The following RAI1 variants were observed in gnomAD, a reference collection of about 807,000 sequenced individuals.
The protein encoded by RAI1 is retinoic acid induced 1.
RAI1 carries 9 observed loss-of-function variants against 123.8 expected under a neutral mutation model. The observed-to-expected ratio is 0.07, with a 90% CI of 0.04 to 0.13. The LOEUF is 0.13. Among genes scored for constraint, RAI1 ranks in the 10% least tolerant of loss-of-function variants. RAI1 has a pLI of 1.00. For missense variants in RAI1, 2,256 were observed against 2,545.8 expected (o/e 0.89, Z 2.45); for synonymous variants, 1,231 against 1,127.3 (o/e 1.09, Z -1.84).
rs371638150 is a variant in RAI1 at position 17,751,955 on chromosome 17, G to GT, written c.-17+27805dup. Among the ~76,000 whole-genome samples the GT allele has an allele frequency of 4.2e-3, 645 of 151,962 alleles. 5 individuals carry two copies. Among genetic ancestry groups the GT allele is most frequent in the African/African-American group, 0.014 (581 of 41,420 alleles). ...TCCCATAGAAGCCACCAAGGGCAGA[G>GT]TTTTTTTTTATTTTTTGTTTTTTTA... is the stretch of plus-strand genomic sequence containing the variant. On this transcript the variant is annotated intron_variant, in intron 2 of 5. Coordinates refer to ENST00000353383, the MANE Select transcript of RAI1 (RefSeq NM_030665.4).
intron 2 of RAI1, among the ~76,000 whole-genome samples, chr17:17,756,359 G>A (rs945944194): frequency 4.6e-5 from 7 of 151,982 alleles, no homozygotes; most frequent in African/African-American, 1.7e-4. Context: ...CACCATGCCT[G>A]GCTAATTTTG....
Position 17,750,220 on chromosome 17 carries a change from A to G in RAI1, c.-17+26061A>G, listed in dbSNP as rs1050465942. Among the ~76,000 whole-genome samples, 5 of 152,240 alleles carry G rather than the reference A, an allele frequency of 3.3e-5. No homozygotes were observed. In the East Asian group the frequency reaches 5.8e-4, roughly 18 times the overall value. On this transcript the variant is annotated intron_variant, in intron 2 of 5. Coordinates refer to ENST00000353383, the MANE Select transcript of RAI1 (RefSeq NM_030665.4). ...CGGAGAACAGGTTTTCGTGACTCCA[A>G]ATCTTCCCATAGGTTGCTGTATTGG...
chr17:17,700,527 T>C (rs1298316847), intron 1 of RAI1, among the ~76,000 whole-genome samples: 1 of 151,886 alleles, frequency 6.6e-6, no homozygotes, highest in Non-Finnish European at 1.5e-5. Context: ...AACGCGCGGG[T>C]TTAATTGCAC....
chr17:17,725,700 C>T (rs1050315764), intron 2 of RAI1, among the ~76,000 whole-genome samples: 2 of 152,112 alleles, frequency 1.3e-5, no homozygotes, highest in Non-Finnish European at 2.9e-5. Flanking sequence ...ATTGGATTCC[C>T]AGGCAAGCAG....
chr17:17,693,436 C>A (rs1490838862), intron 1 of RAI1, among the ~76,000 whole-genome samples: 1 of 152,232 alleles, frequency 6.6e-6, no homozygotes, highest in Admixed American at 6.5e-5. Flanking sequence ...CTCCCCTCCC[C>A]GTGCCCCAGG....
In RAI1 at chr17:17,797,277, G is replaced by A. The variant is rs374588661; in HGVS notation, c.4329G>A (p.Ala1443=). The stretch of plus-strand genomic sequence containing the variant: ...TGCAGCCTGGGGGGACTGCCCTGGC[G>A]CCTAAGAAGAGGAGCCGGAAAGGCC... ...EALQPGGTAL[A]PKKRSRKGRA... is the part of the protein sequence containing the mutation. Residue 1443 remains alanine, a synonymous_variant, in exon 3 of 6, where the codon GCG becomes GCA. Coordinates refer to ENST00000353383, the MANE Select transcript of RAI1 (RefSeq NM_030665.4). The A allele has an allele frequency of 4.2e-5, 67 of 1,612,838 alleles. 1 individual carries two copies. The highest frequency in any genetic ancestry group is 1.7e-4 in the African/African-American group (13 of 74,918).
Position 17,797,701 on chromosome 17 carries a change from C to T in RAI1, c.4753C>T (p.Arg1585Trp), listed in dbSNP as rs750640516. 1.2e-6 allele frequency: 2 copies of T among 1,613,342 alleles called. No individual in the cohort carries two copies. Among genetic ancestry groups the T allele is most frequent in the East Asian group, 2.2e-5 (1 of 44,864 alleles). ...CCTCAAGTACATTTCCTCTTGCAAG[C>T]GGCTGAGGTCAGACAGCCGGACCCC... is the stretch of plus-strand genomic sequence containing the variant. ...IRLKYISSCK[R>W]LRSDSRTPAF... The change falls in exon 3 of 6, where the codon CGG becomes TGG. Residue 1585 changes from arginine to tryptophan, a missense_variant. Physicochemically the swap from Arg to Trp is moderately radical, Grantham distance 101. Around this residue, in one of 7 missense-constraint regions of RAI1, gnomAD observed 410 missense variants for 374.6 expected, o/e 1.09. Coordinates refer to ENST00000353383, the MANE Select transcript of RAI1 (RefSeq NM_030665.4).
At chr17:17,775,697 C>T (rs1249427422) in intron 2 of RAI1, among the ~76,000 whole-genome samples, 1 of 151,846 alleles carries the variant, frequency 6.6e-6, no homozygotes, top group Non-Finnish European at 1.5e-5. Flanking sequence ...TCCTCGCCGT[C>T]TTTGTATTGA....
intron 2 of RAI1, among the ~76,000 whole-genome samples, chr17:17,756,456 C>G (rs916869640): frequency 1.3e-5 from 2 of 152,174 alleles, no homozygotes; most frequent in Admixed American, 6.5e-5. Flanking sequence ...CTCTGCCTCC[C>G]AAAGTGCTGG....
At chr17:17,704,326 A>C (rs1915325007) in intron 1 of RAI1, among the ~76,000 whole-genome samples, 1 of 152,156 alleles carries the variant, frequency 6.6e-6, no homozygotes, top group Non-Finnish European at 1.5e-5. Flanking sequence ...TTCTCAGCAG[A>C]ATCTGGGACT....
In RAI1 at chr17:17,794,109, T is replaced by C. The variant is rs1194692206; in HGVS notation, c.1161T>C (p.Thr387=). 1 of 1,614,062 alleles carries C rather than the reference T, an allele frequency of 6.2e-7. No individual in the cohort carries two copies. Among genetic ancestry groups the C allele is most frequent in the Non-Finnish European group, 8.5e-7 (1 of 1,180,044 alleles). The change falls in exon 3 of 6, where the codon ACT becomes ACC. Residue 387 remains threonine (T), a synonymous_variant. Coordinates refer to ENST00000353383, the MANE Select transcript of RAI1 (RefSeq NM_030665.4). ...LSTGAFPAGI[T]DHSHFMPLLN... ...CCGGGGCCTTCCCCGCAGGGATCAC[T>C]GACCACAGCCACTTCATGCCCCTGC...
At chr17:17,785,976 A>G (rs1397905062) in intron 2 of RAI1, among the ~76,000 whole-genome samples, 3 of 152,126 alleles carry the variant, frequency 2.0e-5, no homozygotes, top group African/African-American at 7.2e-5. Context: ...GGTTGATAAT[A>G]TTTTCTTAAA....
intron 1 of RAI1, among the ~76,000 whole-genome samples, chr17:17,720,387 G>C (rs1915842723): frequency 6.6e-6 from 1 of 152,220 alleles, no homozygotes. Flanking sequence ...TTCCCCTGGG[G>C]CAGACTCTTG....
intron 1 of RAI1, among the ~76,000 whole-genome samples, chr17:17,699,126 C>T (rs960522583): frequency 6.6e-6 from 1 of 152,216 alleles, no homozygotes; most frequent in East Asian, 1.9e-4. Flanking sequence ...CAGGCAACTG[C>T]CCACCTTCTC....
intron 2 of RAI1, among the ~76,000 whole-genome samples, chr17:17,772,499 C>G (rs111952348): frequency 6.6e-5 from 10 of 152,354 alleles, no homozygotes; most frequent in African/African-American, 2.2e-4. Context: ...GCCCTCACCA[C>G]AACATCTGTG....
chr17:17,702,888 T>C (rs908939808), intron 1 of RAI1, among the ~76,000 whole-genome samples: 4 of 152,350 alleles, frequency 2.6e-5, no homozygotes, highest in African/African-American at 9.6e-5. Context: ...AACCCAGGGC[T>C]GTGTGACTTC....
intron 2 of RAI1, among the ~76,000 whole-genome samples, chr17:17,730,306 C>T (rs546693424): frequency 6.6e-6 from 1 of 152,354 alleles, no homozygotes; most frequent in East Asian, 1.9e-4. Context: ...CAAACTGTTA[C>T]TTGGAGGAGT....
intron 1 of RAI1, chr17:17,684,563 C>T (rs1425977128): frequency 6.6e-6 from 1 of 151,374 alleles, no homozygotes. Flanking sequence ...GCAAATAAGC[C>T]AGAAATATAT....
Position 17,801,859 on chromosome 17 carries a change from C to T in RAI1, c.5566-1897C>T, listed in dbSNP as rs948604010. On this transcript the variant is annotated intron_variant, in intron 3 of 5. Coordinates refer to ENST00000353383, the MANE Select transcript of RAI1 (RefSeq NM_030665.4). This position sits in a 1 kb window ranked among gnomAD's most constrained non-coding sequence, Gnocchi z 4.1. ...AGCCCTCGGGCAGGTTACTCAGCCT[C>T]AGCTCTCATTGGTAACCCAGGTAAA... Among the ~76,000 whole-genome samples the T allele has an allele frequency of 1.3e-5, 2 of 152,254 alleles. No individual in the cohort carries two copies. The highest frequency in any genetic ancestry group is 4.8e-5 in the African/African-American group (2 of 41,468).
Sources: gnomAD v4.1 joint callset for allele counts (sites outside exome capture counted in the v4.1 genomes callset) on GRCh38, gnomAD v4.1.1 for gene constraint, gnomAD v4.1.1 regional missense constraint, Gnocchi (gnomAD v3.1) non-coding constraint, MANE v1.5 for transcripts, NCBI Gene and HGNC (gene_info 2026-07-23, HGNC 2026-07-21) for gene names.